ANXA8: variants seen among roughly 807,000 people sequenced by gnomAD.
ANXA8 encodes VAC-beta.
A neutral mutation model predicts 26.8 loss-of-function variants in ANXA8; 9 were observed. The ratio of observed to expected loss-of-function variants is 0.34; its 90% CI spans 0.20 to 0.59. The LOEUF (loss-of-function observed/expected upper bound fraction) is 0.59. Ranked by LOEUF, ANXA8 falls within the 20% of genes least tolerant of loss-of-function variation. ANXA8 has a pLI of 0.84. For synonymous variants in ANXA8, 39 were observed against 94.8 expected (o/e 0.41, Z 3.42); for missense variants, 83 against 238.5 (o/e 0.35, Z 4.29).
chr10:47,743,729 GGCCGCGGATCGC>G, the ANXA8 span, among the ~76,000 whole-genome samples: 3 of 150,030 alleles, frequency 2.0e-5, no homozygotes, highest in Non-Finnish European at 4.4e-5. Flanking sequence ...GCGGGCCACA[GGCCGCGGATCGC>G]GCTCTGCCAG....
the ANXA8 span, among the ~76,000 whole-genome samples, chr10:47,492,700 A>G: frequency 1.4e-5 from 2 of 138,522 alleles, no homozygotes; most frequent in African/African-American, 2.9e-5. Flanking sequence ...CCCTCCACTC[A>G]TCATTGAGGT....
At chr10:47,522,080 C>T in the ANXA8 span, among the ~76,000 whole-genome samples, 3 of 150,316 alleles carry the variant, frequency 2.0e-5, no homozygotes, top group Non-Finnish European at 2.9e-5. Flanking sequence ...AGCCACCAAG[C>T]CCAGCCAAAA....
chr10:47,957,947 A>G, the ANXA8 span, among the ~76,000 whole-genome samples: 1 of 150,674 alleles, frequency 6.6e-6, no homozygotes, highest in Non-Finnish European at 1.5e-5. Flanking sequence ...TAAAAATGGC[A>G]AAGTCAGGAT....
the ANXA8 span, among the ~76,000 whole-genome samples, chr10:47,742,926 G>A: frequency 7.8e-4 from 112 of 142,976 alleles, 1 homozygote; most frequent in African/African-American, 2.1e-3. Flanking sequence ...AGGCTGAGGC[G>A]GGCAGATCAT....
At chr10:47,932,724 G>T in the ANXA8 span, among the ~76,000 whole-genome samples, 7 of 60,218 alleles carry the variant, frequency 1.2e-4, no homozygotes, top group Non-Finnish European at 1.9e-4. Flanking sequence ...CTCTTTCTCT[G>T]TCTTTCTGTC....
the ANXA8 span, among the ~76,000 whole-genome samples, chr10:47,920,486 TAAGTAG>T: frequency 4.0e-5 from 3 of 75,694 alleles, no homozygotes; most frequent in African/African-American, 1.6e-4. Context: ...CTCATCTTTA[TAAGTAG>T]ATCAGATGCA....
the ANXA8 span, among the ~76,000 whole-genome samples, chr10:47,513,041 T>C: frequency 7.5e-6 from 1 of 132,744 alleles, no homozygotes. Flanking sequence ...TTATCTTTTT[T>C]TTATTTTTTG....
chr10:47,510,877 A>AT, the ANXA8 span, among the ~76,000 whole-genome samples: 1 of 129,134 alleles, frequency 7.7e-6, no homozygotes, highest in Non-Finnish European at 1.6e-5. Flanking sequence ...GAGATTTCAT[A>AT]TTTTTTTCTA....
At chr10:47,727,145 C>A in the ANXA8 span, among the ~76,000 whole-genome samples, 1 of 152,308 alleles carries the variant, frequency 6.6e-6, no homozygotes, top group African/African-American at 2.4e-5. Context: ...CCTGTTAGTA[C>A]ATGAACAGCG....
chr10:47,553,692 T>C, the ANXA8 span, among the ~76,000 whole-genome samples: 4 of 150,590 alleles, frequency 2.7e-5, no homozygotes, highest in African/African-American at 9.7e-5. Flanking sequence ...TCCGCGTCCC[T>C]CCCGATTCAG....
the ANXA8 span, chr10:47,763,202 G>A: frequency 1.0e-6 from 1 of 988,934 alleles, no homozygotes; most frequent in Non-Finnish European, 1.2e-6. Flanking sequence ...CGGGTCCCGG[G>A]CCCCAGCGCT....
At chr10:47,593,350 A>G in the ANXA8 span, among the ~76,000 whole-genome samples, 14 of 149,860 alleles carry the variant, frequency 9.3e-5, 3 homozygotes, top group African/African-American at 3.6e-4. Flanking sequence ...ACCAAGGCCC[A>G]GAACCAGACT....
chr10:47,507,617 G>A, the ANXA8 span: 291 of 1,529,354 alleles, frequency 1.9e-4, 53 homozygotes, highest in Middle Eastern at 1.1e-3. Flanking sequence ...AACAATAGAT[G>A]TTATCATTTG....
chr10:47,677,004 A>C, the ANXA8 span, among the ~76,000 whole-genome samples: 2 of 90,252 alleles, frequency 2.2e-5, no homozygotes, highest in Admixed American at 1.2e-4. Context: ...AAAAAAAAAA[A>C]AAACAACCTG....
At chr10:47,733,165 C>CTT in the ANXA8 span, among the ~76,000 whole-genome samples, 6 of 99,716 alleles carry the variant, frequency 6.0e-5, no homozygotes, top group African/African-American at 1.9e-4. Flanking sequence ...TTCTTTCTTT[C>CTT]TTTCTTTCTT....
At chr10:47,982,707 G>A in the ANXA8 span, among the ~76,000 whole-genome samples, 2 of 146,192 alleles carry the variant, frequency 1.4e-5, no homozygotes, top group Non-Finnish European at 1.5e-5. Context: ...AAAATAAGCG[G>A]GGCATTATCA....
the ANXA8 span, among the ~76,000 whole-genome samples, chr10:47,639,914 A>T: frequency 1.4e-5 from 2 of 145,182 alleles, no homozygotes; most frequent in African/African-American, 5.3e-5. Context: ...AGTAGCTGGG[A>T]CTACAGGTGA....
the ANXA8 span, among the ~76,000 whole-genome samples, chr10:47,495,538 G>A: frequency 8.0e-4 from 119 of 149,286 alleles, no homozygotes; most frequent in Admixed American, 8.7e-4. Flanking sequence ...CACCTGCCTC[G>A]GCCTCCCAAA....
At chr10:47,493,301 C>A in the ANXA8 span, among the ~76,000 whole-genome samples, 1 of 149,618 alleles carries the variant, frequency 6.7e-6, no homozygotes, top group African/African-American at 2.5e-5. Flanking sequence ...CCCTGTCCTC[C>A]TTTTGTAACA....
Sources: allele counts gnomAD v4.1 joint callset (sites outside exome capture counted in the v4.1 genomes callset), GRCh38; gene constraint gnomAD v4.1.1; transcripts MANE v1.5; gene names NCBI Gene and HGNC (gene_info 2026-07-23, HGNC 2026-07-21).